The following EDA variants were observed in gnomAD, a reference collection of about 807,000 sequenced individuals.
EDA encodes ectodysplasin A, also known as ectodysplasin-A.
Under a neutral mutation model 23.6 loss-of-function variants are expected in EDA, and 2 were observed. The ratio of observed to expected loss-of-function variants is 0.08; its 90% CI spans 0.03 to 0.27. EDA has a LOEUF of 0.27. EDA is among the 10% of genes least tolerant of loss of function. EDA has a pLI of 1.00. For missense variants in EDA, 229 were observed against 324.2 expected (o/e 0.71, Z 2.26); for synonymous variants, 131 against 132.0 (o/e 0.99, Z 0.05).
chrX:69,851,253 A>T (rs1023844681), intron 1 of EDA, among the ~76,000 whole-genome samples: 9 of 110,965 alleles, frequency 8.1e-5, no homozygotes, highest in African/African-American at 2.9e-4. Flanking sequence ...TGGCACTCTC[A>T]GATGAAACTA....
At chrX:69,746,385 G>C (rs1178511896) in intron 1 of EDA, among the ~76,000 whole-genome samples, 2 of 111,838 alleles carry the variant, frequency 1.8e-5, no homozygotes, top group Non-Finnish European at 3.8e-5. Flanking sequence ...GAAGTCTGAA[G>C]TCTAGGCACA....
intron 1 of EDA, among the ~76,000 whole-genome samples, chrX:69,904,081 G>C (rs909461763): frequency 2.7e-5 from 3 of 111,085 alleles, no homozygotes; most frequent in African/African-American, 9.8e-5. Flanking sequence ...AAAAGTGTGA[G>C]ATTACAGGCG....
At chrX:70,016,037 T>A (rs1268125524) in intron 2 of EDA, among the ~76,000 whole-genome samples, 1 of 94,058 alleles carries the variant, frequency 1.1e-5, no homozygotes. Flanking sequence ...GCCAAGCAAA[T>A]GGAGAAAGAA....
In EDA at chrX:70,033,486, G is replaced by A; in HGVS notation, c.882G>A (p.Glu294=). The stretch of plus-strand genomic sequence containing the variant: ...TACATCCCCGCAGCGGGGAGCTGGA[G>A]GTACTGGTGGACGGCACCTACTTCA... ...FKLHPRSGEL[E]VLVDGTYFIY... Residue 294 remains glutamate, a synonymous_variant, in exon 7 of 8, where the codon GAG becomes GAA. Coordinates refer to ENST00000374552, the MANE Select transcript of EDA (RefSeq NM_001399.5). The A allele has an allele frequency of 8.3e-7, 1 of 1,211,686 alleles. No homozygotes were observed. The highest frequency in any genetic ancestry group is 1.1e-6 in the Non-Finnish European group (1 of 895,441).
chrX:69,694,430 T>G (rs2011266253), intron 1 of EDA, among the ~76,000 whole-genome samples: 1 of 112,176 alleles, frequency 8.9e-6, no homozygotes, highest in Non-Finnish European at 1.9e-5. Flanking sequence ...GGTTAGCAGT[T>G]TTATAAAACT....
At chrX:69,788,479 G>C (rs1414489305) in intron 1 of EDA, among the ~76,000 whole-genome samples, 1 of 111,938 alleles carries the variant, frequency 8.9e-6, no homozygotes, top group Non-Finnish European at 1.9e-5. Context: ...TGGTGTGGCT[G>C]TCCTTTCTGT....
At chrX:70,018,919 T>C (rs1352752214) in intron 2 of EDA, among the ~76,000 whole-genome samples, 1 of 111,176 alleles carries the variant, frequency 9.0e-6, no homozygotes, top group Non-Finnish European at 1.9e-5. Flanking sequence ...ACCCAAAGAA[T>C]GGAGAAAATA....
intron 1 of EDA, among the ~76,000 whole-genome samples, chrX:69,871,130 C>A (rs2017559982): frequency 9.0e-6 from 1 of 111,353 alleles, no homozygotes; most frequent in South Asian, 3.8e-4. Context: ...ACAGTTTCTG[C>A]CAAGGACTAT....
intron 2 of EDA, among the ~76,000 whole-genome samples, chrX:70,000,335 A>T (rs111524358): frequency 0.022 from 2,501 of 112,518 alleles, 74 homozygotes; most frequent in African/African-American, 0.077. Flanking sequence ...AAGAGAATGG[A>T]TTAAAAAGAT....
chrX:70,025,006 T>C (rs772046689), intron 3 of EDA, among the ~76,000 whole-genome samples: 5 of 111,697 alleles, frequency 4.5e-5, no homozygotes, highest in Non-Finnish European at 9.4e-5. Flanking sequence ...GCTCCAGGGG[T>C]CATTTTGTAC....
In EDA at chrX:69,644,684, C is replaced by T. The variant is rs970430305; in HGVS notation, c.396+27980C>T. Among the ~76,000 whole-genome samples the T allele has an allele frequency of 3.6e-5, 4 of 111,273 alleles. No individual in the cohort carries two copies. The Admixed American group carries it at 3.8e-4, about 11-fold the overall frequency. On this transcript the variant is annotated intron_variant, in intron 1 of 7. Coordinates refer to ENST00000374552, the MANE Select transcript of EDA (RefSeq NM_001399.5). The stretch of plus-strand genomic sequence containing the variant: ...GAGTGGTAAGAGGGGGTATCCTTGT[C>T]TTGTGCCAGTTTTCAAGGGGAATGC...
At chrX:69,750,485 G>A (rs1438481643) in intron 1 of EDA, among the ~76,000 whole-genome samples, 1 of 110,349 alleles carries the variant, frequency 9.1e-6, no homozygotes, top group Non-Finnish European at 1.9e-5. Flanking sequence ...GTAAACATAC[G>A]TGTGCGTGTG....
At chrX:69,645,303 A>C (rs181142442) in intron 1 of EDA, among the ~76,000 whole-genome samples, 5 of 108,822 alleles carry the variant, frequency 4.6e-5, no homozygotes, top group Non-Finnish European at 1.9e-5. Flanking sequence ...TCAAGGATTC[A>C]ATTTCTTCCT....
intron 1 of EDA, among the ~76,000 whole-genome samples, chrX:69,678,187 G>C (rs1934180659): frequency 9.0e-6 from 1 of 110,577 alleles, no homozygotes; most frequent in South Asian, 3.9e-4. Context: ...CTATATCTCT[G>C]TTTTGGTACC....
chrX:69,888,245 A>T (rs972865749), intron 1 of EDA, among the ~76,000 whole-genome samples: 1 of 111,269 alleles, frequency 9.0e-6, no homozygotes, highest in Non-Finnish European at 1.9e-5. Flanking sequence ...TAAATATAAG[A>T]TGTTCTGTCT....
At chrX:69,961,711 C>T (rs2019105436) in intron 2 of EDA, among the ~76,000 whole-genome samples, 1 of 112,524 alleles carries the variant, frequency 8.9e-6, no homozygotes, top group African/African-American at 3.2e-5. Context: ...TTCTTTACTA[C>T]ATTTCTTCCT....
chrX:69,787,316 G>C (rs1206905795), intron 1 of EDA, among the ~76,000 whole-genome samples: 1 of 100,697 alleles, frequency 9.9e-6, no homozygotes, highest in Admixed American at 1.1e-4. Flanking sequence ...TGTTATGTGT[G>C]AATTTGATCC....
In EDA at chrX:69,866,407, G is replaced by T. The variant is rs1409201757; in HGVS notation, c.397-90620G>T. ...AGGAGGAGCCTAAAGTGTCCAGGTG[G>T]CAATCTTAACTTCCAGTTTAATGGA... On this transcript the variant is annotated intron_variant, in intron 1 of 7. Coordinates refer to ENST00000374552, the MANE Select transcript of EDA (RefSeq NM_001399.5). Among the ~76,000 whole-genome samples, 7 of 111,340 alleles carry T rather than the reference G, an allele frequency of 6.3e-5. No homozygotes were observed. The Admixed American group carries it at 6.7e-4, about 11-fold the overall frequency.
At position 69,828,410 on chromosome X, in the gene EDA, T is replaced by C. The variant is rs1465807762; in HGVS notation, c.397-128617T>C. 2.7e-5 allele frequency among the ~76,000 whole-genome samples: 3 copies of C among 112,429 alleles called. No homozygotes were observed. In the South Asian group the frequency reaches 1.1e-3, roughly 42 times the overall value. ...TGGGATATAATCTCCTGATGCACCCTTTTTTAAGCCCATTGGAAAAGCGCA... is the reference window on the plus strand; with the variant it reads ...TGGGATATAATCTCCTGATGCACCCCTTTTTAAGCCCATTGGAAAAGCGCA... On this transcript the variant is annotated intron_variant, in intron 1 of 7. Transcript: ENST00000374552.
Sources: gnomAD v4.1 joint callset for allele counts (sites outside exome capture counted in the v4.1 genomes callset) on GRCh38, gnomAD v4.1.1 for gene constraint, MANE v1.5 for transcripts, NCBI Gene and HGNC (gene_info 2026-07-23, HGNC 2026-07-21) for gene names.